The following SI variants were observed in gnomAD, a reference collection of about 807,000 sequenced individuals.
SI encodes the protein sucrase-isomaltase.
Under a neutral mutation model 253.3 loss-of-function variants are expected in SI, and 235 were observed. The ratio of observed to expected loss-of-function variants is 0.93; its 90% confidence interval spans 0.83 to 1.03. The LOEUF (loss-of-function observed/expected upper bound fraction) is 1.03, where lower values mean the gene tolerates loss of function less well. SI is among the 50% of genes least tolerant of loss of function. The pLI is 0.00. For missense variants in SI, 2,442 were observed against 2,211.1 expected, an observed-to-expected ratio of 1.10 and a Z score of -2.09; for synonymous variants, 819 against 712.0, an observed-to-expected ratio of 1.15 and a Z score of -2.39.
intron 20 of SI, 50 bp from the exon 21 acceptor site, chr3:165,038,074 A>G: frequency 6.7e-7 from 1 of 1,491,260 alleles, no homozygotes; most frequent in Non-Finnish European, 9.3e-7. Context: ...AAGACTTTAA[A>G]CTCTATTTCA....
At position 165,035,183 on chromosome 3, in the gene SI, G is replaced by T. The variant is rs549203379; in HGVS notation, c.2515+1206C>A. 1.1e-3 allele frequency among the ~76,000 whole-genome samples: 170 copies of T among 152,028 alleles called. 1 individual carries two copies. The highest frequency in any genetic ancestry group is 3.9e-3 in the African/African-American group (163 of 41,502). On this transcript the variant is annotated intron_variant, in intron 22 of 47. Transcript: ENST00000264382. ...TTTTATTAGACAAACAAATAGAGAA[G>T]TACATAGAAGACTGGTTTGGAGATA...
intron 40 of SI, among the ~76,000 whole-genome samples, chr3:164,994,927 T>A (rs1717941567): frequency 6.6e-6 from 1 of 151,708 alleles, no homozygotes; most frequent in Non-Finnish European, 1.5e-5. Flanking sequence ...TGTGCCTGAG[T>A]ATGCTCTGGA....
chr3:164,991,234 A>G, intron 44 of SI, 119 bp downstream of exon 44: 1 of 1,072,422 alleles, frequency 9.3e-7, no homozygotes, highest in Non-Finnish European at 1.4e-6. Context: ...CATGTTACTG[A>G]GGCAGGCTAA....
intron 23 of SI, 146 bp downstream of exon 23, chr3:165,033,249 C>A: frequency 1.8e-6 from 1 of 557,048 alleles, no homozygotes; most frequent in Non-Finnish European, 2.7e-6. Context: ...TTAAATATAA[C>A]AATTTAATTG....
intron 36 of SI, 42 bp from the exon 37 acceptor site, chr3:165,006,996 G>A: frequency 7.3e-7 from 1 of 1,376,438 alleles, no homozygotes; most frequent in Non-Finnish European, 1.0e-6. Flanking sequence ...ATTATACAGT[G>A]CCCTACAATG....
In SI at chr3:164,994,351, G is replaced by C. The variant is rs1717915014; in HGVS notation, c.4747C>G (p.Leu1583Val). The change falls in exon 41 of 48, where the codon CTA becomes GTA. Residue 1583 changes from leucine to valine, a missense_variant. Coordinates refer to ENST00000264382, the MANE Select transcript of SI (RefSeq NM_001041.4). ...GGCAATAAGGTGTATCTAATATTTA[G>C]AATATTCCTTGACATTTCAGCAAAA... Reference protein sequence around the residue: ...ETFAEMSRNILNIRYTLLPYF... With the variant: ...ETFAEMSRNIVNIRYTLLPYF... 1 of 1,610,766 alleles carries C rather than the reference G, an allele frequency of 6.2e-7. No individual in the cohort carries two copies. Among genetic ancestry groups the C allele is most frequent in the Non-Finnish European group, 8.5e-7 (1 of 1,177,708 alleles).
intron 37 of SI, among the ~76,000 whole-genome samples, chr3:165,006,102 A>G (rs1475701283): frequency 1.3e-5 from 2 of 152,072 alleles, no homozygotes; most frequent in Non-Finnish European, 2.9e-5. Context: ...GAATTTATTT[A>G]TTTTATGTTT....
intron 14 of SI, among the ~76,000 whole-genome samples, 155 bp downstream of exon 14, chr3:165,049,636 G>T (rs1020510027): frequency 6.6e-6 from 1 of 151,922 alleles, no homozygotes; most frequent in Non-Finnish European, 1.5e-5. Flanking sequence ...ATCCTAGGCA[G>T]AAAATATTTG....
Position 164,983,164 on chromosome 3 carries a change from A to G in SI, c.5198-113T>C, listed in dbSNP as rs548023428. The G allele has an allele frequency of 1.9e-4, 195 of 1,016,740 alleles. 2 individuals carry two copies. The African/African-American group carries it at 2.9e-3, about 15-fold the overall frequency. The allele number at this position is 1,016,740 out of a possible 1,614,324, so 63.0% of individuals were successfully genotyped here. A position where few individuals can be genotyped will look rare whatever the true frequency, so the allele number is the denominator to read the frequency against. On this transcript the variant is annotated intron_variant, in intron 45 of 47. Transcript: ENST00000264382. ...GTATAAAAAGTAGCAAATATTATCA[A>G]GATGTACCTATTTTTTCTCTAAGCC...
chr3:165,025,611 C>G lies in SI; in HGVS notation c.2893-1835G>C, dbSNP rs115539077. On this transcript the variant is annotated intron_variant, in intron 25 of 47. Transcript: ENST00000264382. ...AAGAGCTGTGAGGCAAAAGCACTAGCTAACCTATAAAAGAAAACAGCAGAT... is the reference window on the plus strand; with the variant it reads ...AAGAGCTGTGAGGCAAAAGCACTAGGTAACCTATAAAAGAAAACAGCAGAT... Among the ~76,000 whole-genome samples the G allele has an allele frequency of 5.2e-3, 781 of 150,798 alleles. 10 individuals are homozygous for G. Among genetic ancestry groups the G allele is most frequent in the African/African-American group, 0.018 (744 of 41,330 alleles).
At chr3:165,043,205 A>C in intron 16 of SI, 30 bp from the exon 17 acceptor site, 1 of 1,454,212 alleles carries the variant, frequency 6.9e-7, no homozygotes, top group Non-Finnish European at 9.6e-7. Flanking sequence ...ACTATTTATA[A>C]TGTTAAGATT....
intron 6 of SI, 152 bp from the exon 7 acceptor site, chr3:165,065,584 A>T (rs1439392687): frequency 1.0e-5 from 2 of 192,830 alleles, no homozygotes; most frequent in Non-Finnish European, 2.0e-5. Context: ...ACTTCTTAGA[A>T]ACACACAAAT....
intron 31 of SI, 29 bp from the exon 32 acceptor site, chr3:165,016,109 G>T: frequency 6.3e-7 from 1 of 1,599,908 alleles, no homozygotes; most frequent in African/African-American, 1.3e-5. Context: ...ATCAAAGTAG[G>T]GCAAAAAATA....
At chr3:165,049,700 T>C in intron 14 of SI, 91 bp downstream of exon 14, 1 of 767,632 alleles carries the variant, frequency 1.3e-6, no homozygotes. Context: ...ATACCAAAAA[T>C]TGTAATTTAG....
chr3:164,996,278 C>A (rs956997601), intron 40 of SI, among the ~76,000 whole-genome samples: 1 of 151,674 alleles, frequency 6.6e-6, no homozygotes, highest in African/African-American at 2.4e-5. Context: ...CATTTTTCTG[C>A]ATTTCTTCAC....
intron 13 of SI, among the ~76,000 whole-genome samples, chr3:165,051,491 G>T (rs1388868025): frequency 2.6e-5 from 4 of 151,940 alleles, no homozygotes; most frequent in Non-Finnish European, 4.4e-5. Flanking sequence ...GTGTCCAGTA[G>T]AAATTAATAA....
At chr3:164,983,121 C>G in intron 45 of SI, 70 bp from the exon 46 acceptor site, 1 of 1,400,214 alleles carries the variant, frequency 7.1e-7, no homozygotes, top group Non-Finnish European at 9.9e-7. Flanking sequence ...TACCTGTATA[C>G]TTTGCTTCTC....
intron 25 of SI, among the ~76,000 whole-genome samples, chr3:165,025,274 G>C (rs138924454): frequency 6.3e-4 from 95 of 151,162 alleles, no homozygotes; most frequent in African/African-American, 2.2e-3. Flanking sequence ...TGAGGTTTTT[G>C]AATTAACTCA....
In SI at chr3:165,064,165, C is replaced by T. The variant is rs900269220; in HGVS notation, c.808-624G>A. Among the ~76,000 whole-genome samples, 5 of 151,978 alleles carry T rather than the reference C, an allele frequency of 3.3e-5. No individual in the cohort carries two copies. The East Asian group carries it at 5.8e-4, about 18-fold the overall frequency. On this transcript the variant is annotated intron_variant, in intron 7 of 47. Transcript: ENST00000264382. ...TGTTTATCAGTTAGGCCCATGTATG[C>T]CCAAGGTACTGCAGGAGCTTCCAAA...
Sources: gnomAD v4.1 joint callset for allele counts (sites outside exome capture counted in the v4.1 genomes callset) on GRCh38, gnomAD v4.1.1 for gene constraint, MANE v1.5 for transcripts, NCBI Gene and HGNC (gene_info 2026-07-23, HGNC 2026-07-21) for gene names.